The following ATG16L1 variants were observed in gnomAD, a reference collection of about 807,000 sequenced individuals.
The protein encoded by ATG16L1 is autophagy related 16 like 1.
A neutral mutation model predicts 88.5 loss-of-function variants in ATG16L1; 37 were observed. The ratio of observed to expected loss-of-function variants is 0.42; its 90% CI spans 0.32 to 0.55. The LOEUF (loss-of-function observed/expected upper bound fraction) is 0.55. Ranked by LOEUF, ATG16L1 falls within the 20% of genes least tolerant of loss-of-function variation. The pLI is 0.13. For synonymous variants in ATG16L1, 301 were observed against 281.0 expected, an observed-to-expected ratio of 1.07 and a Z score of -0.71; for missense variants, 554 against 752.8, an observed-to-expected ratio of 0.74 and a Z score of 3.09.
chr2:233,283,910 T>C (rs1698897785), intron 12 of ATG16L1, among the ~76,000 whole-genome samples: 1 of 151,768 alleles, frequency 6.6e-6, no homozygotes, highest in African/African-American at 2.4e-5. Context: ...AATGGCGCAA[T>C]CTTGGCTCAC....
At chr2:233,263,257 ATC>A (rs772916198) in intron 3 of ATG16L1, 22 bp downstream of exon 3, 4 of 1,600,484 alleles carry the variant, frequency 2.5e-6, no homozygotes, top group Non-Finnish European at 8.6e-7. Flanking sequence ...CCTTTTCCTC[ATC>A]TGTCTTCTGC....
chr2:233,286,685 G>T (rs902518840), intron 12 of ATG16L1, among the ~76,000 whole-genome samples: 7 of 145,126 alleles, frequency 4.8e-5, no homozygotes, highest in African/African-American at 1.8e-4. Context: ...GAGTGCAGTG[G>T]CGTGATCTCT....
In ATG16L1 at chr2:233,251,900, G is replaced by C; in HGVS notation, c.73G>C (p.Asp25His). 1 of 1,550,892 alleles carries C rather than the reference G, an allele frequency of 6.4e-7. No individual in the cohort carries two copies. The highest frequency in any genetic ancestry group is 8.7e-7 in the Non-Finnish European group (1 of 1,147,630). The change falls in exon 1 of 18, where the codon GAC becomes CAC. Residue 25 changes from aspartate (D) to histidine (H), a missense_variant. Physicochemically the swap from Asp to His is moderately conservative, Grantham distance 81. Around this residue, in one of 5 missense-constraint regions of ATG16L1, gnomAD observed 101 missense variants for 107.0 expected, o/e 0.94. Coordinates refer to ENST00000392017, the MANE Select transcript of ATG16L1 (RefSeq NM_030803.7). Reference sequence around the variant, plus strand: ...CATCTCGGAGCAACTGAGGCGCCGGGACCGGCTGCAGAGACAGGCGTTCGA... The same window carrying C: ...CATCTCGGAGCAACTGAGGCGCCGGCACCGGCTGCAGAGACAGGCGTTCGA... ...RHISEQLRRRDRLQRQAFEEI... is the reference protein window; with the variant it reads ...RHISEQLRRRHRLQRQAFEEI...
chr2:233,261,459 C>T (rs1255948049), intron 2 of ATG16L1, among the ~76,000 whole-genome samples: 1 of 152,112 alleles, frequency 6.6e-6, no homozygotes. Flanking sequence ...AAGTGTGTTC[C>T]ACTGTCTAAT....
chr2:233,255,426 T>C (rs1483100176), intron 1 of ATG16L1, among the ~76,000 whole-genome samples: 3 of 152,244 alleles, frequency 2.0e-5, no homozygotes, highest in East Asian at 1.9e-4. Context: ...CTCCGCCCAG[T>C]TGCTTGAGCG....
intron 1 of ATG16L1, among the ~76,000 whole-genome samples, chr2:233,252,197 C>G (rs1420178523): frequency 6.6e-6 from 1 of 152,248 alleles, no homozygotes; most frequent in Admixed American, 6.5e-5. Context: ...TTGTAAATCC[C>G]AGTAGCTCAT....
At chr2:233,265,977 C>T (rs770759351) in intron 5 of ATG16L1, 5 of 152,122 alleles carry the variant, frequency 3.3e-5, no homozygotes, top group Non-Finnish European at 5.9e-5. Context: ...ACTGATCAAC[C>T]GTCTATATAC....
intron 6 of ATG16L1, among the ~76,000 whole-genome samples, chr2:233,270,880 A>G (rs1237915730): frequency 1.3e-5 from 2 of 152,156 alleles, no homozygotes; most frequent in Non-Finnish European, 2.9e-5. Context: ...ATAGTTTTAG[A>G]GTTTTGATCC....
chr2:233,267,094 A>C (rs750347324), intron 5 of ATG16L1, among the ~76,000 whole-genome samples: 1 of 152,236 alleles, frequency 6.6e-6, no homozygotes, highest in African/African-American at 2.4e-5. Flanking sequence ...GCACACTGTA[A>C]TCCTAGCACT....
intron 17 of ATG16L1, 113 bp downstream of exon 17, chr2:233,293,470 C>T (rs1420503758): frequency 2.1e-6 from 2 of 961,204 alleles, no homozygotes; most frequent in African/African-American, 3.2e-5. Flanking sequence ...ACTGTCCGCC[C>T]ACCTGCTCGG....
chr2:233,257,631 G>A (rs1182206871), intron 2 of ATG16L1, among the ~76,000 whole-genome samples: 1 of 152,174 alleles, frequency 6.6e-6, no homozygotes, highest in Non-Finnish European at 1.5e-5. Flanking sequence ...GTAAGTAGAG[G>A]AACATCAGTA....
At chr2:233,280,796 C>T (rs1698673325) in intron 10 of ATG16L1, among the ~76,000 whole-genome samples, 1 of 152,154 alleles carries the variant, frequency 6.6e-6, no homozygotes, top group Non-Finnish European at 1.5e-5. Flanking sequence ...GTTTGATTGA[C>T]ATGGTTTATA....
At chr2:233,252,009 C>A in intron 1 of ATG16L1, 67 bp downstream of exon 1, 1 of 1,369,454 alleles carries the variant, frequency 7.3e-7, no homozygotes, top group Non-Finnish European at 9.6e-7. Flanking sequence ...GGGGCGTCAG[C>A]GGGAACCTGA....
chr2:233,281,811 C>G (rs1434593878), intron 11 of ATG16L1, among the ~76,000 whole-genome samples: 1 of 152,178 alleles, frequency 6.6e-6, no homozygotes, highest in Non-Finnish European at 1.5e-5. Flanking sequence ...ATTGTCATCT[C>G]TGGGGAGCCT....
At chr2:233,272,635 C>G (rs573137407) in intron 6 of ATG16L1, among the ~76,000 whole-genome samples, 8 of 152,274 alleles carry the variant, frequency 5.3e-5, no homozygotes, top group Admixed American at 5.2e-4. Flanking sequence ...ATGGAATGCC[C>G]TACTTTGGCA....
chr2:233,290,411 G>T (rs1574906010), intron 14 of ATG16L1, 58 bp downstream of exon 14: 2 of 1,359,694 alleles, frequency 1.5e-6, no homozygotes, highest in Admixed American at 3.4e-5. Context: ...TAATGGTTCT[G>T]TACATGGGTT....
In ATG16L1 at chr2:233,269,942, A is replaced by C. The variant is rs186467131; in HGVS notation, c.642-60A>C. On this transcript the variant is annotated intron_variant, in intron 5 of 17. Coordinates refer to ENST00000392017, the MANE Select transcript of ATG16L1 (RefSeq NM_030803.7). ...GAACTGGTGGCTTCTAGAGAGCCCA[A>C]ACCCCGTGCTTTCTTAAGCAGACAT... 2.0e-6 allele frequency: 3 copies of C among 1,537,204 alleles called. No homozygotes were observed. The East Asian group carries it at 7.0e-5, about 36-fold the overall frequency.
intron 5 of ATG16L1, among the ~76,000 whole-genome samples, chr2:233,268,169 C>G (rs971163516): frequency 9.2e-5 from 14 of 152,164 alleles, no homozygotes; most frequent in Non-Finnish European, 1.5e-5. Flanking sequence ...ATAAGATGCA[C>G]TCAGGGCTGG....
At chr2:233,289,317 G>A (rs1699291267) in intron 12 of ATG16L1, among the ~76,000 whole-genome samples, 1 of 151,914 alleles carries the variant, frequency 6.6e-6, no homozygotes, top group South Asian at 2.1e-4. Flanking sequence ...CTTCCTATGA[G>A]ATACATGGCC....
Sources: allele counts gnomAD v4.1 joint callset (sites outside exome capture counted in the v4.1 genomes callset), GRCh38; gene constraint gnomAD v4.1.1; regional missense constraint gnomAD v4.1.1; transcripts MANE v1.5; gene names NCBI Gene and HGNC (gene_info 2026-07-23, HGNC 2026-07-21).